CHD9: variants seen among roughly 807,000 people sequenced by gnomAD.
CHD9 encodes chromodomain helicase DNA binding protein 9.
Under a neutral mutation model 316.1 loss-of-function variants are expected in CHD9, and 77 were observed. That is an observed-to-expected ratio of 0.24 (90% confidence interval 0.20 to 0.29). The LOEUF is 0.29. CHD9 is among the 10% of genes least tolerant of loss of function. The pLI is 1.00. For missense variants in CHD9, 2,763 were observed against 3,438.1 expected (o/e 0.80, Z 4.91); for synonymous variants, 1,129 against 1,158.3 (o/e 0.97, Z 0.51).
chr16:53,160,406 A>G (rs1447947199), intron 2 of CHD9, among the ~76,000 whole-genome samples: 1 of 152,196 alleles, frequency 6.6e-6, no homozygotes, highest in Non-Finnish European at 1.5e-5. Context: ...CTCTAATGCT[A>G]GCATGTAGAT....
intron 1 of CHD9, among the ~76,000 whole-genome samples, chr16:53,149,543 T>C (rs1019117855): frequency 6.6e-6 from 1 of 151,302 alleles, no homozygotes; most frequent in African/African-American, 2.4e-5. Flanking sequence ...TTGTCTCTTG[T>C]AACCTTTCTC....
intron 1 of CHD9, among the ~76,000 whole-genome samples, chr16:53,117,337 G>T (rs886676945): frequency 2.6e-5 from 4 of 152,062 alleles, no homozygotes; most frequent in African/African-American, 9.7e-5. Context: ...GAGGATTTGT[G>T]CTAATCCCTT....
chr16:53,212,596 G>A (rs2046420682), intron 3 of CHD9, among the ~76,000 whole-genome samples: 3 of 152,114 alleles, frequency 2.0e-5, no homozygotes, highest in African/African-American at 4.8e-5. Flanking sequence ...CACTTTTACA[G>A]ATTAACTTTT....
chr16:53,058,278 G>A (rs1306611847), intron 1 of CHD9, among the ~76,000 whole-genome samples: 8 of 151,858 alleles, frequency 5.3e-5, no homozygotes, highest in African/African-American at 1.9e-4. Flanking sequence ...ATGCCACCAC[G>A]CCCAGCTAAT....
chr16:53,150,270 AT>A lies in CHD9; in HGVS notation c.-164-5650del. ...GATTTCCTTCTTTCCTTTTCTGTAT[AT>A]TTTTTAGTTATTTCCTTAATGGTTA... On this transcript the variant is annotated intron_variant, in intron 1 of 38. Coordinates refer to ENST00000447540, the MANE Select transcript of CHD9 (RefSeq NM_001308319.2). Among the ~76,000 whole-genome samples, 2 of 113,088 alleles carry A rather than the reference AT, an allele frequency of 1.8e-5. 1 individual carries two copies. The highest frequency in any genetic ancestry group is 1.7e-4 in the Admixed American group (2 of 12,042). 74.2% of individuals were successfully genotyped at this position (113,088 alleles called of 152,430 possible). A position where few individuals can be genotyped will look rare whatever the true frequency, so the allele number is the denominator to read the frequency against.
chr16:53,082,842 G>GT (rs2035150447), intron 1 of CHD9, among the ~76,000 whole-genome samples: 1 of 152,128 alleles, frequency 6.6e-6, no homozygotes, highest in South Asian at 2.1e-4. Flanking sequence ...TCCAGGATAC[G>GT]TTCCCAGCTC....
At chr16:53,159,928 A>G (rs2041794143) in intron 2 of CHD9, among the ~76,000 whole-genome samples, 2 of 152,088 alleles carry the variant, frequency 1.3e-5, no homozygotes, top group African/African-American at 2.4e-5. Flanking sequence ...CTTTAGTTCT[A>G]TTTCAGAACG....
intron 8 of CHD9, among the ~76,000 whole-genome samples, chr16:53,229,406 A>T (rs1424681101): frequency 6.6e-6 from 1 of 152,166 alleles, no homozygotes; most frequent in Non-Finnish European, 1.5e-5. Context: ...ATTCAAGTGG[A>T]GGAAGTGATA....
intron 26 of CHD9, among the ~76,000 whole-genome samples, chr16:53,287,008 G>A (rs1274414751): frequency 1.3e-5 from 2 of 152,036 alleles, no homozygotes; most frequent in Admixed American, 1.3e-4. Flanking sequence ...CATCTAGGCT[G>A]GAATGCAATG....
chr16:53,208,426 A>G (rs2046054971), intron 2 of CHD9: 1 of 1,230,634 alleles, frequency 8.1e-7, no homozygotes, highest in East Asian at 6.3e-5. Context: ...AACCTTCCTT[A>G]TTACTGGCTG....
At chr16:53,223,112 T>G (rs755769388) in intron 4 of CHD9, among the ~76,000 whole-genome samples, 11 of 152,198 alleles carry the variant, frequency 7.2e-5, no homozygotes, top group Non-Finnish European at 1.3e-4. Flanking sequence ...AGTAATTTTT[T>G]AAATCACATA....
chr16:53,156,234 C>T lies in CHD9; in HGVS notation c.145C>T (p.His49Tyr). Residue 49 changes from histidine to tyrosine, a missense_variant, in exon 2 of 39, where the codon CAC (histidine) becomes TAC (tyrosine). Coordinates refer to ENST00000447540, the MANE Select transcript of CHD9 (RefSeq NM_001308319.2). ...TTTGGGTGCAGAATTTGAACCGTTG[C>T]ACATAGATTCACTGAACCATGTTCA... ...LNLGAEFEPL[H>Y]IDSLNHVQGT... 6.2e-7 allele frequency: 1 copy of T among 1,613,982 alleles called. No homozygotes were observed. The highest frequency in any genetic ancestry group is 8.5e-7 in the Non-Finnish European group (1 of 1,179,876).
chr16:53,068,472 C>A (rs1253350338), intron 1 of CHD9, among the ~76,000 whole-genome samples: 2 of 152,146 alleles, frequency 1.3e-5, no homozygotes, highest in Non-Finnish European at 2.9e-5. Context: ...ACACAGGGCC[C>A]GCTAAAGTGC....
chr16:53,197,332 CCT>C (rs1054729794), intron 2 of CHD9, among the ~76,000 whole-genome samples: 8 of 152,114 alleles, frequency 5.3e-5, no homozygotes, highest in African/African-American at 1.4e-4. Flanking sequence ...AATCCTGTGT[CCT>C]GTTTTTAATT....
intron 2 of CHD9, among the ~76,000 whole-genome samples, chr16:53,165,197 A>C (rs1430986284): frequency 6.6e-6 from 1 of 152,230 alleles, no homozygotes; most frequent in African/African-American, 2.4e-5. Context: ...TTTCTGTAGC[A>C]GGTGGAAAAT....
At chr16:53,124,854 C>T (rs2038901774) in intron 1 of CHD9, among the ~76,000 whole-genome samples, 3 of 151,314 alleles carry the variant, frequency 2.0e-5, no homozygotes, top group East Asian at 1.9e-4. Flanking sequence ...CACTGGGGCC[C>T]TCCCACTACA....
rs556344535 is a variant in CHD9 at position 53,144,611 on chromosome 16, C to T, written c.-164-11315C>T. Among the ~76,000 whole-genome samples, 4 of 151,976 alleles carry T rather than the reference C, an allele frequency of 2.6e-5. No individual in the cohort carries two copies. The East Asian group carries it at 7.8e-4, about 29-fold the overall frequency. ...TGGTGCTATCTTGGCTCACCACAAC[C>T]TCTGCCTCCCGGGTTCAAGCGATTC... On this transcript the variant is annotated intron_variant, in intron 1 of 38. Transcript: ENST00000447540.
rs201846243 is a variant in CHD9 at position 53,245,212 on chromosome 16, A to ACAT, written c.3055-124_3055-123insCAT. 8.9e-5 allele frequency: 30 copies of ACAT among 335,464 alleles called. No homozygotes were observed. Among genetic ancestry groups the ACAT allele is most frequent in the Middle Eastern group, 9.4e-4 (1 of 1,062 alleles). The allele number at this position is 335,464 out of a possible 1,614,324, so 20.8% of individuals were successfully genotyped here. A position where few individuals can be genotyped will look rare whatever the true frequency, so the allele number is the denominator to read the frequency against. On this transcript the variant is annotated intron_variant, in intron 13 of 38. Coordinates refer to ENST00000447540, the MANE Select transcript of CHD9 (RefSeq NM_001308319.2). The surrounding 1 kb of genome is among the most constrained non-coding windows in gnomAD (Gnocchi z 4.1). Reference sequence around the variant, plus strand: ...TATATATATACACACACACACACATAACATATATATATGTATATATAGTCA... The same window carrying ACAT: ...TATATATATACACACACACACACATACATACATATATATATGTATATATAGTCA...
intron 1 of CHD9, among the ~76,000 whole-genome samples, chr16:53,125,895 T>C (rs2038949073): frequency 6.6e-6 from 1 of 152,250 alleles, no homozygotes; most frequent in Admixed American, 6.5e-5. Context: ...TCATTGTAAG[T>C]TGAGGAGCAT....
Sources: gnomAD v4.1 joint callset for allele counts (sites outside exome capture counted in the v4.1 genomes callset) on GRCh38, gnomAD v4.1.1 for gene constraint, Gnocchi (gnomAD v3.1) non-coding constraint, MANE v1.5 for transcripts, NCBI Gene and HGNC (gene_info 2026-07-23, HGNC 2026-07-21) for gene names.